METTL22: variants seen among roughly 807,000 people sequenced by gnomAD.
METTL22 encodes the protein methyltransferase 22, Kin17 lysine.
Under a neutral mutation model 48.4 loss-of-function variants are expected in METTL22, and 51 were observed. The ratio of observed to expected loss-of-function variants is 1.05; its 90% CI spans 0.84 to 1.33. METTL22 has a LOEUF of 1.33. METTL22 is among the 40% of genes most tolerant of loss of function. The pLI, the probability that METTL22 is intolerant of heterozygous loss-of-function variation, is 0.00. For synonymous variants in METTL22, 255 were observed against 214.1 expected (o/e 1.19, Z -1.67); for missense variants, 678 against 526.9 (o/e 1.29, Z -2.81).
chr16:8,624,431 G>C (rs2055969954), intron 1 of METTL22, among the ~76,000 whole-genome samples: 1 of 150,274 alleles, frequency 6.7e-6, no homozygotes, highest in Non-Finnish European at 1.5e-5. Flanking sequence ...GGAGTGCAGA[G>C]TGCAGTGACG....
chr16:8,657,665 C>T, the METTL22 span, among the ~76,000 whole-genome samples: 2 of 152,120 alleles, frequency 1.3e-5, no homozygotes, highest in African/African-American at 2.4e-5. Context: ...GCTATGTCCA[C>T]GTTCTAAACC....
intron 3 of METTL22, among the ~76,000 whole-genome samples, chr16:8,633,807 T>G (rs2056340022): frequency 6.6e-6 from 1 of 152,246 alleles, no homozygotes; most frequent in Admixed American, 6.5e-5. Context: ...AGGTGCTTTT[T>G]TTTCTATTAA....
chr16:8,635,108 C>T (rs772377943), intron 4 of METTL22, 29 bp downstream of exon 4: 2 of 1,613,948 alleles, frequency 1.2e-6, no homozygotes, highest in Non-Finnish European at 1.7e-6. Flanking sequence ...CTTCCTGTGG[C>T]CCTGATGGGT....
At chr16:8,639,227 C>A in intron 6 of METTL22, 65 bp downstream of exon 6, 1 of 1,506,240 alleles carries the variant, frequency 6.6e-7, no homozygotes, top group Non-Finnish European at 9.2e-7. Context: ...GGACAGACAC[C>A]CAAGACCATG....
At chr16:8,657,624 CTA>C in the METTL22 span, among the ~76,000 whole-genome samples, 1 of 152,094 alleles carries the variant, frequency 6.6e-6, no homozygotes, top group Non-Finnish European at 1.5e-5. Flanking sequence ...CTTTTTGAAA[CTA>C]TAGTGGGTTG....
intron 2 of METTL22, 94 bp from the exon 3 acceptor site, chr16:8,628,636 T>A: frequency 2.7e-6 from 4 of 1,479,560 alleles, no homozygotes; most frequent in Non-Finnish European, 3.6e-6. Context: ...TAAAAATCTT[T>A]CCTATTGGTA....
At chr16:8,642,357 C>T (rs2056647050) in intron 8 of METTL22, 106 bp from the exon 9 acceptor site, 2 of 1,282,372 alleles carry the variant, frequency 1.6e-6, no homozygotes, top group East Asian at 2.3e-5. Flanking sequence ...GAAGCTGCTG[C>T]TGTTCCGTGG....
At chr16:8,659,848 C>T in the METTL22 span, among the ~76,000 whole-genome samples, 1 of 151,946 alleles carries the variant, frequency 6.6e-6, no homozygotes, top group Admixed American at 6.6e-5. Flanking sequence ...CTCAGCCCCA[C>T]CAAGTAGCTG....
intron 9 of METTL22, 197 bp downstream of exon 9, chr16:8,642,762 C>G (rs980876426): frequency 1.6e-5 from 10 of 622,392 alleles, no homozygotes; most frequent in Non-Finnish European, 2.3e-5. Flanking sequence ...TGTGCAGGCG[C>G]TGCTGTCCCA....
rs762840232 is a variant in METTL22 at position 8,628,817 on chromosome 16, C to G, written c.221C>G (p.Thr74Arg). Residue 74 changes from threonine (T) to arginine (R), a missense_variant, in exon 3 of 11, where the codon ACA becomes AGA. Thr to Arg is a moderately conservative substitution (Grantham distance 71). Coordinates refer to ENST00000381920, the MANE Select transcript of METTL22 (RefSeq NM_024109.4). ...GGTGGCAGTCACAGAGATGTTCACA[C>G]AAAGGAGCCTCCTTCTGCTGAGACA... ...AKGGSHRDVHTKEPPSAETGS... is the reference protein window; with the variant it reads ...AKGGSHRDVHRKEPPSAETGS... 1 of 1,614,214 alleles carries G rather than the reference C, an allele frequency of 6.2e-7. No homozygotes were observed. Among genetic ancestry groups the G allele is most frequent in the Non-Finnish European group, 8.5e-7 (1 of 1,180,050 alleles).
intron 9 of METTL22, among the ~76,000 whole-genome samples, chr16:8,643,974 A>G (rs1215245911): frequency 1.3e-5 from 2 of 152,180 alleles, no homozygotes; most frequent in Non-Finnish European, 2.9e-5. Context: ...ATTTGGAAAG[A>G]AAAGGGAAAA....
intron 3 of METTL22, among the ~76,000 whole-genome samples, chr16:8,633,240 C>G (rs1232736807): frequency 6.6e-6 from 1 of 152,064 alleles, no homozygotes; most frequent in South Asian, 2.1e-4. Context: ...AGGCTCTGCC[C>G]CAGGCTTTTT....
chr16:8,658,574 C>T, the METTL22 span, among the ~76,000 whole-genome samples: 1 of 152,224 alleles, frequency 6.6e-6, no homozygotes, highest in Non-Finnish European at 1.5e-5. Context: ...TGGTATGCCT[C>T]ATATCCTCAG....
In METTL22 at chr16:8,646,590, C is replaced by T. The variant is rs1178955192; in HGVS notation, c.*447C>T. ...GCTCGGCACAAAAGCCTCATTTCCT[C>T]CCAGGGTTGGGTATGCTCCACCCCA... On this transcript the variant is annotated 3_prime_UTR_variant, in exon 11 of 11. Transcript: ENST00000381920. 4.3e-6 allele frequency: 2 copies of T among 462,740 alleles called. No homozygotes were observed. The highest frequency in any genetic ancestry group is 8.6e-6 in the Non-Finnish European group (2 of 231,312). 28.7% of individuals were successfully genotyped at this position (462,740 alleles called of 1,614,324 possible). A position where few individuals can be genotyped will look rare whatever the true frequency, so the allele number is the denominator to read the frequency against.
intron 6 of METTL22, among the ~76,000 whole-genome samples, chr16:8,640,893 A>AATGGATGGATGGATGG (rs1406391890): frequency 1.1e-3 from 14 of 12,906 alleles, no homozygotes; most frequent in Non-Finnish European, 1.1e-3. Context: ...TGGGTGGGTG[A>AATGGATGGATGGATGG]ATGGATGGAT....
chr16:8,656,805 T>A, the METTL22 span, among the ~76,000 whole-genome samples: 2 of 152,258 alleles, frequency 1.3e-5, no homozygotes, highest in Non-Finnish European at 2.9e-5. Flanking sequence ...CTCACAGTTC[T>A]GAGGCTGGGA....
chr16:8,653,359 G>A (rs529615315), downstream of METTL22, among the ~76,000 whole-genome samples: 1 of 152,196 alleles, frequency 6.6e-6, no homozygotes, highest in South Asian at 2.1e-4. Context: ...CTATGGAGTT[G>A]GGTGATGTCA....
chr16:8,628,714 C>T lies in METTL22; in HGVS notation c.134-16C>T. 1 of 1,573,308 alleles carries T rather than the reference C, an allele frequency of 6.4e-7. No homozygotes were observed. The highest frequency in any genetic ancestry group is 8.6e-7 in the Non-Finnish European group (1 of 1,160,950). Reference sequence around the variant, plus strand: ...CATCTTGGAATTCTCATTTTGCGTTCTGTCTTGCCTTTCAGTTTTCCTGTC... The same window carrying T: ...CATCTTGGAATTCTCATTTTGCGTTTTGTCTTGCCTTTCAGTTTTCCTGTC... On this transcript the variant is annotated splice_polypyrimidine_tract_variant and intron_variant, in intron 2 of 10. Transcript: ENST00000381920.
Position 8,646,389 on chromosome 16 carries a change from C to A in METTL22, c.*246C>A. ...GTTTCTCATGGTTGTGATGTGTGCT[C>A]CAGGGTCAAGCCGAGCCACGTTCCT... is the stretch of plus-strand genomic sequence containing the variant. On this transcript the variant is annotated 3_prime_UTR_variant, in exon 11 of 11. Coordinates refer to ENST00000381920, the MANE Select transcript of METTL22 (RefSeq NM_024109.4). 1 of 690,772 alleles carries A rather than the reference C, an allele frequency of 1.4e-6. No homozygotes were observed. The highest frequency in any genetic ancestry group is 2.6e-6 in the Non-Finnish European group (1 of 378,544). The allele number at this position is 690,772 out of a possible 1,614,324, so 42.8% of individuals were successfully genotyped here. A position where few individuals can be genotyped will look rare whatever the true frequency, so the allele number is the denominator to read the frequency against.
Sources: gnomAD v4.1 joint callset for allele counts (sites outside exome capture counted in the v4.1 genomes callset) on GRCh38, gnomAD v4.1.1 for gene constraint, MANE v1.5 for transcripts, NCBI Gene and HGNC (gene_info 2026-07-23, HGNC 2026-07-21) for gene names.